Variants in SEC14L5 observed in about 807,000 individuals in gnomAD.
SEC14L5 encodes SEC14 like lipid binding 5.
SEC14L5 carries 96 observed loss-of-function variants against 84.6 expected under a neutral mutation model. The ratio of observed to expected loss-of-function variants is 1.13; its 90% CI spans 0.96 to 1.34. SEC14L5 has a LOEUF of 1.34. Among genes scored for constraint, SEC14L5 ranks in the 40% most tolerant of loss-of-function variants. The pLI is 0.00. For missense variants in SEC14L5, 1,224 were observed against 942.5 expected (o/e 1.30, Z -3.91); for synonymous variants, 546 against 383.4 (o/e 1.42, Z -4.95).
chr16:5,000,805 G>T, intron 9 of SEC14L5, 50 bp from the exon 10 acceptor site: 1 of 1,568,338 alleles, frequency 6.4e-7, no homozygotes, highest in Non-Finnish European at 8.7e-7. Flanking sequence ...AGGACTGTGT[G>T]GGGTAAAGCA....
At chr16:5,007,172 T>A (rs1449859871) in intron 12 of SEC14L5, among the ~76,000 whole-genome samples, 180 bp from the exon 13 acceptor site, 1 of 152,100 alleles carries the variant, frequency 6.6e-6, no homozygotes, top group African/African-American at 2.4e-5. Flanking sequence ...ACGGGAAGAA[T>A]AATAGTCTCT....
intron 2 of SEC14L5, among the ~76,000 whole-genome samples, chr16:4,964,216 C>T (rs1955165044): frequency 6.6e-6 from 1 of 152,094 alleles, no homozygotes; most frequent in Non-Finnish European, 1.5e-5. Context: ...GCTCAGGTCG[C>T]CTGAGTCCCG....
chr16:5,011,323 AT>A, intron 15 of SEC14L5, 50 bp downstream of exon 15: 1 of 1,566,758 alleles, frequency 6.4e-7, no homozygotes, highest in African/African-American at 1.4e-5. Flanking sequence ...CCTGGGGCTG[AT>A]TGACAATGCA....
intron 2 of SEC14L5, among the ~76,000 whole-genome samples, chr16:4,964,150 G>A (rs1297913886): frequency 1.3e-5 from 2 of 152,214 alleles, no homozygotes; most frequent in Non-Finnish European, 2.9e-5. Flanking sequence ...CAGAAGGTGT[G>A]TGGGGTGGTG....
At chr16:4,971,684 T>G (rs1299369108) in intron 2 of SEC14L5, among the ~76,000 whole-genome samples, 1 of 152,068 alleles carries the variant, frequency 6.6e-6, no homozygotes, top group African/African-American at 2.4e-5. Context: ...CCCCTGGGAG[T>G]GTAGATGTAG....
At chr16:4,971,022 C>T (rs1393886729) in intron 2 of SEC14L5, among the ~76,000 whole-genome samples, 2 of 150,882 alleles carry the variant, frequency 1.3e-5, no homozygotes, top group Non-Finnish European at 2.9e-5. Context: ...GCAGGAGAAT[C>T]GCTTGAACCG....
At chr16:5,000,470 C>T (rs866738985) in intron 8 of SEC14L5, among the ~76,000 whole-genome samples, 185 bp from the exon 9 acceptor site, 2 of 152,226 alleles carry the variant, frequency 1.3e-5, no homozygotes, top group Non-Finnish European at 2.9e-5. Context: ...GTTTTTCTGC[C>T]TTTCACAATA....
chr16:4,979,679 T>C (rs534531900), intron 2 of SEC14L5, among the ~76,000 whole-genome samples: 94 of 152,114 alleles, frequency 6.2e-4, no homozygotes, highest in Non-Finnish European at 1.2e-3. Context: ...AGATGAGGCA[T>C]TGATTGTCCC....
chr16:4,991,312 A>G (rs192701550), intron 5 of SEC14L5, among the ~76,000 whole-genome samples: 1 of 152,188 alleles, frequency 6.6e-6, no homozygotes, highest in Admixed American at 6.5e-5. Context: ...TTATCAATAT[A>G]AAACTTAATT....
rs1177330645 is a variant in SEC14L5, at chr16:4,988,134, C to T, written c.214-15C>T. On this transcript the variant is annotated splice_polypyrimidine_tract_variant and intron_variant, in intron 3 of 15. Transcript: ENST00000251170. ...CCGCCCACCCACCTCCGCCTCCCCG[C>T]CCCTTCCCTTGCAGATCGCAGGTGT... The T allele has an allele frequency of 1.2e-6, 2 of 1,613,466 alleles. No individual in the cohort carries two copies. The highest frequency in any genetic ancestry group is 1.7e-6 in the Non-Finnish European group (2 of 1,179,562).
At chr16:4,973,680 C>CTTTTT (rs34324146) in intron 2 of SEC14L5, among the ~76,000 whole-genome samples, 2 of 127,108 alleles carry the variant, frequency 1.6e-5, no homozygotes, top group Non-Finnish European at 3.3e-5. Context: ...TTCTCTGTCT[C>CTTTTT]TTTTTTTTTT....
In SEC14L5 at chr16:4,972,609, G is replaced by A. The variant is rs1017725013; in HGVS notation, c.63+13223G>A. 8.5e-5 allele frequency among the ~76,000 whole-genome samples: 13 copies of A among 152,178 alleles called. 1 individual carries two copies. Among genetic ancestry groups the A allele is most frequent in the African/African-American group, 2.7e-4 (11 of 41,448 alleles). ...ATAGTTGTCCTTTTGTCTCTGGCTC[G>A]TTTCACTGGACACAATGTCTTCCAG... On this transcript the variant is annotated intron_variant, in intron 2 of 15. Coordinates refer to ENST00000251170, the MANE Select transcript of SEC14L5 (RefSeq NM_014692.2).
In SEC14L5 at chr16:4,962,698, A is replaced by AAC. The variant is rs1183621661; in HGVS notation, c.63+3313_63+3314insCA. 2.8e-3 allele frequency among the ~76,000 whole-genome samples: 425 copies of AAC among 151,474 alleles called. 6 individuals carry two copies. The highest frequency in any genetic ancestry group is 9.4e-3 in the African/African-American group (387 of 41,172). ...TGAAACTCTGTCTCAAAAAAAAAAA[A>AAC]AAAAAAAAAACTTCCTTATCTGTAC... On this transcript the variant is annotated intron_variant, in intron 2 of 15. Coordinates refer to ENST00000251170, the MANE Select transcript of SEC14L5 (RefSeq NM_014692.2).
intron 6 of SEC14L5, 117 bp downstream of exon 6, chr16:4,992,147 T>A: frequency 1.5e-6 from 1 of 687,690 alleles, no homozygotes; most frequent in South Asian, 2.1e-5. Context: ...TGGGAATGGG[T>A]CTGGGTCTTG....
intron 5 of SEC14L5, 100 bp from the exon 6 acceptor site, chr16:4,991,738 C>G (rs967883171): frequency 1.1e-5 from 8 of 715,674 alleles, no homozygotes; most frequent in Non-Finnish European, 1.6e-5. Context: ...CGTGTCGGGG[C>G]TGGGACCTGA....
At chr16:5,001,284 A>C (rs1475801184) in intron 10 of SEC14L5, among the ~76,000 whole-genome samples, 1 of 128,314 alleles carries the variant, frequency 7.8e-6, no homozygotes, top group Non-Finnish European at 1.6e-5. Flanking sequence ...TTTGAAACGG[A>C]GTCTCGCTCT....
Position 5,007,389 on chromosome 16 carries a change from T to A in SEC14L5, c.1475T>A (p.Leu492His). The A allele has an allele frequency of 6.2e-6, 10 of 1,613,818 alleles. No individual in the cohort carries two copies. The highest frequency in any genetic ancestry group is 8.5e-6 in the Non-Finnish European group (10 of 1,179,832). ...GAAGGAGGGCTGGTCCCCAAGTCCC[T>A]CTACATGACAGAAGAGGAGCAGGAG... ...VPEGGLVPKS[L>H]YMTEEEQEHT... The change falls in exon 13 of 16, where the codon CTC becomes CAC. Residue 492 changes from leucine (L) to histidine (H), a missense_variant. Coordinates refer to ENST00000251170, the MANE Select transcript of SEC14L5 (RefSeq NM_014692.2).
At chr16:4,972,688 G>T (rs1349667389) in intron 2 of SEC14L5, among the ~76,000 whole-genome samples, 1 of 152,196 alleles carries the variant, frequency 6.6e-6, no homozygotes, top group South Asian at 2.1e-4. Context: ...TAAAGCTGAA[G>T]AATACGTCAT....
chr16:4,964,117 C>T (rs1386930673), intron 2 of SEC14L5, among the ~76,000 whole-genome samples: 2 of 152,204 alleles, frequency 1.3e-5, no homozygotes, highest in African/African-American at 4.8e-5. Flanking sequence ...GAGGGTCCGT[C>T]AGTCCTTTGA....
Sources: allele counts gnomAD v4.1 joint callset (sites outside exome capture counted in the v4.1 genomes callset), GRCh38; gene constraint gnomAD v4.1.1; transcripts MANE v1.5; gene names NCBI Gene and HGNC (gene_info 2026-07-23, HGNC 2026-07-21).